Variants in ZNF385D observed in about 807,000 individuals in gnomAD.
ZNF385D encodes the protein zinc finger protein 659.
Under a neutral mutation model 35.8 loss-of-function variants are expected in ZNF385D, and 15 were observed. That is an observed-to-expected ratio of 0.42 (90% CI 0.28 to 0.64). The LOEUF (loss-of-function observed/expected upper bound fraction) is 0.64, where lower values mean the gene tolerates loss of function less well. Among genes scored for constraint, ZNF385D ranks in the 30% least tolerant of loss-of-function variants. ZNF385D has a pLI of 0.23. For synonymous variants in ZNF385D, 212 were observed against 186.8 expected, an observed-to-expected ratio of 1.13 and a Z score of -1.10; for missense variants, 474 against 494.6, an observed-to-expected ratio of 0.96 and a Z score of 0.39.
chr3:22,247,067 T>G (rs553799093), intron 2 of ZNF385D, among the ~76,000 whole-genome samples: 14 of 152,260 alleles, frequency 9.2e-5, no homozygotes, highest in African/African-American at 3.1e-4. Context: ...ACACATGCAG[T>G]TTCACTTGTT....
intron 1 of ZNF385D, among the ~76,000 whole-genome samples, chr3:21,671,626 G>C (rs905886436): frequency 3.3e-5 from 5 of 152,036 alleles, no homozygotes; most frequent in Admixed American, 6.6e-5. Context: ...GATACAAATA[G>C]CTTTTGAACT....
intron 3 of ZNF385D, chr3:21,961,548 GATAA>G (rs1159431424): frequency 1.4e-4 from 21 of 152,064 alleles, no homozygotes; most frequent in African/African-American, 1.7e-4. Context: ...AAACTATAGT[GATAA>G]ATAAATTTAT....
intron 4 of ZNF385D, among the ~76,000 whole-genome samples, chr3:21,495,083 A>T (rs1705725066): frequency 6.6e-6 from 1 of 152,122 alleles, no homozygotes; most frequent in African/African-American, 2.4e-5. Flanking sequence ...ATTAGTTTTC[A>T]TTGCTTCGAT....
upstream of ZNF385D, among the ~76,000 whole-genome samples, chr3:21,752,217 T>C (rs949508857): frequency 6.6e-6 from 1 of 152,128 alleles, no homozygotes; most frequent in Non-Finnish European, 1.5e-5. Context: ...AAAAATAAAC[T>C]CATACAGCAA....
intron 3 of ZNF385D, among the ~76,000 whole-genome samples, chr3:21,832,348 A>G (rs1029741978): frequency 6.6e-6 from 1 of 152,184 alleles, no homozygotes; most frequent in Non-Finnish European, 1.5e-5. Flanking sequence ...ACTCATTCAC[A>G]TTGTGTTAAA....
At chr3:22,192,138 C>G (rs952687691) in intron 2 of ZNF385D, among the ~76,000 whole-genome samples, 1 of 152,118 alleles carries the variant, frequency 6.6e-6, no homozygotes, top group Non-Finnish European at 1.5e-5. Context: ...GGCCCCAAGA[C>G]TAACAGATTG....
At chr3:21,917,719 T>G (rs1357388871) in intron 3 of ZNF385D, among the ~76,000 whole-genome samples, 1 of 152,150 alleles carries the variant, frequency 6.6e-6, no homozygotes, top group African/African-American at 2.4e-5. Flanking sequence ...AAAAAAATCA[T>G]TAAAAACCAT....
chr3:21,592,547 A>C (rs1237578464), intron 2 of ZNF385D, among the ~76,000 whole-genome samples: 1 of 109,994 alleles, frequency 9.1e-6, no homozygotes, highest in East Asian at 3.5e-4. Context: ...TCATGGCAAA[A>C]AAAAAAAACC....
rs1279254631 is a variant in ZNF385D, at chr3:21,413,516, C to G, written c.*7698G>C. On this transcript the variant is annotated 3_prime_UTR_variant, in exon 8 of 8. Coordinates refer to ENST00000281523, the MANE Select transcript of ZNF385D (RefSeq NM_024697.3). The stretch of plus-strand genomic sequence containing the variant: ...CAAATTCACCATGTCAACTGTACCT[C>G]CCTCCAATGCTTGTGGTAATGCTCT... 1 of 152,100 alleles carries G rather than the reference C, an allele frequency of 6.6e-6. No individual in the cohort carries two copies. The allele number at this position is 152,100 out of a possible 1,614,324, so 9.4% of individuals were successfully genotyped here. A position where few individuals can be genotyped will look rare whatever the true frequency, so the allele number is the denominator to read the frequency against.
chr3:21,459,692 A>T (rs546934261), intron 4 of ZNF385D, among the ~76,000 whole-genome samples: 2 of 152,278 alleles, frequency 1.3e-5, no homozygotes, highest in East Asian at 3.9e-4. Flanking sequence ...TGGCCCATAA[A>T]CACACAACTA....
Position 21,505,998 on chromosome 3 carries a change from A to T in ZNF385D, c.439+4863T>A, listed in dbSNP as rs562354532. Among the ~76,000 whole-genome samples the T allele has an allele frequency of 3.2e-4, 49 of 152,252 alleles. 1 individual carries two copies. In the South Asian group the frequency reaches 6.0e-3, roughly 19 times the overall value. ...CTCTGATGGAGGCTGTGCTTCCCAG[A>T]CTGTCAGGATGGCCACCCTGCAGGC... On this transcript the variant is annotated intron_variant, in intron 4 of 7. Coordinates refer to ENST00000281523, the MANE Select transcript of ZNF385D (RefSeq NM_024697.3).
intron 3 of ZNF385D, chr3:22,134,082 G>A (rs527593513): frequency 6.6e-6 from 1 of 152,038 alleles, no homozygotes; most frequent in Admixed American, 6.6e-5. Flanking sequence ...AAATACTAAA[G>A]TATCAATAAT....
chr3:22,050,044 T>C (rs1699248389), intron 3 of ZNF385D, among the ~76,000 whole-genome samples: 1 of 152,058 alleles, frequency 6.6e-6, no homozygotes, highest in Admixed American at 6.6e-5. Flanking sequence ...TTTGGAGCAG[T>C]TTGAGAAGGA....
intron 2 of ZNF385D, among the ~76,000 whole-genome samples, chr3:22,252,676 T>C (rs1345230529): frequency 6.6e-6 from 1 of 152,056 alleles, no homozygotes; most frequent in Non-Finnish European, 1.5e-5. Context: ...GAAGCTGGCT[T>C]TGGCTACTGA....
chr3:22,023,485 G>A (rs1226462956), intron 3 of ZNF385D, among the ~76,000 whole-genome samples: 1 of 152,092 alleles, frequency 6.6e-6, no homozygotes, highest in Non-Finnish European at 1.5e-5. Context: ...TCAAATTAAA[G>A]TTTTACATCA....
chr3:22,042,510 A>T (rs1449699884), intron 3 of ZNF385D, among the ~76,000 whole-genome samples: 2 of 152,168 alleles, frequency 1.3e-5, no homozygotes, highest in South Asian at 2.1e-4. Context: ...GCAGTAGAAC[A>T]GACTATAAGG....
intron 3 of ZNF385D, among the ~76,000 whole-genome samples, chr3:21,965,155 C>T (rs1266166011): frequency 6.6e-6 from 1 of 152,116 alleles, no homozygotes; most frequent in Non-Finnish European, 1.5e-5. Context: ...CTTAGAATTG[C>T]AAATTAATAT....
At chr3:22,161,982 G>T (rs1705984914) in intron 3 of ZNF385D, among the ~76,000 whole-genome samples, 1 of 152,150 alleles carries the variant, frequency 6.6e-6, no homozygotes, top group Non-Finnish European at 1.5e-5. Flanking sequence ...CCTTGGCTAT[G>T]TTATTTTCAA....
chr3:21,549,273 A>G (rs531044971), intron 3 of ZNF385D, among the ~76,000 whole-genome samples: 6 of 152,274 alleles, frequency 3.9e-5, no homozygotes, highest in African/African-American at 1.4e-4. Context: ...TCCTGAAATG[A>G]CCTAATATTG....
Sources: gnomAD v4.1 joint callset for allele counts (sites outside exome capture counted in the v4.1 genomes callset) on GRCh38, gnomAD v4.1.1 for gene constraint, MANE v1.5 for transcripts, NCBI Gene and HGNC (gene_info 2026-07-23, HGNC 2026-07-21) for gene names.